The following PTPRN2 variants were observed in gnomAD, a reference collection of about 807,000 sequenced individuals.
PTPRN2 encodes protein tyrosine phosphatase receptor type N2.
Under a neutral mutation model 118.8 loss-of-function variants are expected in PTPRN2, and 74 were observed. That is an observed-to-expected ratio of 0.62 (90% confidence interval 0.52 to 0.76). The LOEUF is 0.76. PTPRN2 is among the 30% of genes least tolerant of loss of function. PTPRN2 has a pLI of 0.00. For missense variants in PTPRN2, 1,481 were observed against 1,394.4 expected (o/e 1.06, Z -0.99); for synonymous variants, 641 against 608.0 (o/e 1.05, Z -0.80).
At chr7:157,792,090 C>T (rs558747449) in intron 12 of PTPRN2, among the ~76,000 whole-genome samples, 5 of 152,380 alleles carry the variant, frequency 3.3e-5, no homozygotes, top group African/African-American at 4.8e-5. Flanking sequence ...TGGCCCCTGC[C>T]TGGAACTCTC....
intron 22 of PTPRN2, among the ~76,000 whole-genome samples, chr7:157,545,990 A>G (rs757489055): frequency 1.9e-4 from 29 of 152,084 alleles, no homozygotes; most frequent in Non-Finnish European, 4.3e-4. Context: ...TCTCGGGGCG[A>G]TGTTGGGCAG....
At chr7:157,601,594 C>T (rs112065972) in intron 16 of PTPRN2, among the ~76,000 whole-genome samples, 140 of 152,346 alleles carry the variant, frequency 9.2e-4, no homozygotes, top group African/African-American at 3.1e-3. Context: ...AGGAATTCAT[C>T]CCCCAAACAC....
intron 9 of PTPRN2, among the ~76,000 whole-genome samples, chr7:158,115,696 C>A (rs146263138): frequency 6.6e-6 from 1 of 152,040 alleles, no homozygotes; most frequent in Non-Finnish European, 1.5e-5. Context: ...TGGATTCCAA[C>A]CCCTGGAATT....
At chr7:157,579,658 C>A (rs144926343) in intron 17 of PTPRN2, among the ~76,000 whole-genome samples, 20 of 152,266 alleles carry the variant, frequency 1.3e-4, no homozygotes, top group Non-Finnish European at 2.8e-4. Flanking sequence ...TTGGCTCTCG[C>A]GTCCGCCCTT....
intron 2 of PTPRN2, among the ~76,000 whole-genome samples, chr7:158,480,942 T>C (rs1374953815): frequency 6.6e-6 from 1 of 152,246 alleles, no homozygotes; most frequent in African/African-American, 2.4e-5. Flanking sequence ...ATGGAGAAGC[T>C]GCAGCAAGCT....
rs1802687587 is a variant in PTPRN2, at chr7:157,615,318, G to A, written c.2344+6044C>T. ...AGCGGTGTGCGTGGGTTGCGGCTGG[G>A]TCTGCGCTGGGGTAGTGTAGGCTGC... On this transcript the variant is annotated intron_variant, in intron 15 of 22. Transcript: ENST00000389418. The surrounding 1 kb of genome is among the most constrained non-coding windows in gnomAD (Gnocchi z 4.3). The A allele has an allele frequency of 1.5e-5, 6 of 391,626 alleles. No homozygotes were observed. The highest frequency in any genetic ancestry group is 3.2e-5 in the Non-Finnish European group (6 of 186,856). 24.3% of individuals were successfully genotyped at this position (391,626 alleles called of 1,614,324 possible).
intron 5 of PTPRN2, among the ~76,000 whole-genome samples, chr7:158,188,354 TCGCCGCCTGATG>T (rs1825416963): frequency 2.8e-5 from 1 of 35,956 alleles, no homozygotes; most frequent in Non-Finnish European, 5.5e-5. Context: ...GCCGCCACGC[TCGCCGCCTGATG>T]GGGAAGGCCG....
chr7:157,824,909 G>A (rs1242610192), intron 12 of PTPRN2, among the ~76,000 whole-genome samples: 5 of 152,194 alleles, frequency 3.3e-5, no homozygotes, highest in Non-Finnish European at 5.9e-5. Context: ...AAAGCAGGCG[G>A]ATCACGAGCG....
intron 1 of PTPRN2, among the ~76,000 whole-genome samples, chr7:158,514,626 T>C (rs1188527578): frequency 1.3e-5 from 2 of 152,106 alleles, no homozygotes; most frequent in Non-Finnish European, 2.9e-5. Flanking sequence ...TGCTCACGGG[T>C]GCGTCAAAGA....
At chr7:157,844,557 G>C (rs972324109) in intron 12 of PTPRN2, among the ~76,000 whole-genome samples, 2 of 152,212 alleles carry the variant, frequency 1.3e-5, no homozygotes, top group African/African-American at 4.8e-5. Flanking sequence ...CAGGAGCCCA[G>C]CGTGACCAGC....
chr7:158,282,694 G>A (rs1799508098), intron 3 of PTPRN2, among the ~76,000 whole-genome samples: 2 of 151,674 alleles, frequency 1.3e-5, no homozygotes. Flanking sequence ...ACACACAGCA[G>A]CCGGACAGAC....
chr7:157,798,183 T>C (rs2151089484), intron 12 of PTPRN2, among the ~76,000 whole-genome samples: 1 of 152,306 alleles, frequency 6.6e-6, no homozygotes, highest in East Asian at 1.9e-4. Flanking sequence ...CGTTTGAACC[T>C]GGGAGGCGGA....
At chr7:157,636,367 T>G (rs1231517203) in intron 14 of PTPRN2, among the ~76,000 whole-genome samples, 1 of 152,224 alleles carries the variant, frequency 6.6e-6, no homozygotes, top group Non-Finnish European at 1.5e-5. Context: ...CAAATATCCT[T>G]TGTGTGTTTC....
chr7:158,051,806 A>G (rs1809345708), intron 11 of PTPRN2, among the ~76,000 whole-genome samples: 1 of 152,236 alleles, frequency 6.6e-6, no homozygotes, highest in Non-Finnish European at 1.5e-5. Flanking sequence ...ATGTCAAAAT[A>G]CACACTGTAC....
chr7:158,326,859 TCA>T lies in PTPRN2; in HGVS notation c.164-9929_164-9928del, dbSNP rs1803607576. Among the ~76,000 whole-genome samples, 5 of 127,504 alleles carry T rather than the reference TCA, an allele frequency of 3.9e-5. No homozygotes were observed. In the South Asian group the frequency reaches 1.3e-3, roughly 33 times the overall value. The allele number at this position is 127,504 out of a possible 152,430, so 83.6% of individuals were successfully genotyped here. On this transcript the variant is annotated intron_variant, in intron 2 of 22. Coordinates refer to ENST00000389418, the MANE Select transcript of PTPRN2 (RefSeq NM_002847.5). ...CTCACATGCATTCTCACACACATGC[TCA>T]TTCTCGCATGCACACGTTCTCACAC...
intron 12 of PTPRN2, among the ~76,000 whole-genome samples, chr7:157,812,405 AG>A (rs1260354430): frequency 7.9e-5 from 12 of 151,754 alleles, no homozygotes; most frequent in African/African-American, 2.2e-4. Flanking sequence ...GTGAGGGAGG[AG>A]GGTGGGAAGA....
At chr7:158,396,888 A>C (rs1812558520) in intron 2 of PTPRN2, among the ~76,000 whole-genome samples, 1 of 152,222 alleles carries the variant, frequency 6.6e-6, no homozygotes, top group South Asian at 2.1e-4. Flanking sequence ...CCCAGAGAAC[A>C]CTGTAAAAGC....
At chr7:158,147,700 G>A (rs1820294498) in intron 6 of PTPRN2, among the ~76,000 whole-genome samples, 3 of 146,444 alleles carry the variant, frequency 2.0e-5, no homozygotes, top group Admixed American at 6.7e-5. Flanking sequence ...CACGCCACAC[G>A]TCTTTCCCCC....
At chr7:158,290,711 G>A (rs1446706419) in intron 3 of PTPRN2, among the ~76,000 whole-genome samples, 1 of 152,214 alleles carries the variant, frequency 6.6e-6, no homozygotes, top group Admixed American at 6.5e-5. Context: ...TGGGTGAGAG[G>A]GGACCCAGTC....
Sources: allele counts gnomAD v4.1 joint callset (sites outside exome capture counted in the v4.1 genomes callset), GRCh38; gene constraint gnomAD v4.1.1; non-coding constraint Gnocchi (gnomAD v3.1); transcripts MANE v1.5; gene names NCBI Gene and HGNC (gene_info 2026-07-23, HGNC 2026-07-21).